CGNL1: variants seen among roughly 807,000 people sequenced by gnomAD.
The protein encoded by CGNL1 is cingulin-like protein 1.
A neutral mutation model predicts 141.2 loss-of-function variants in CGNL1; 132 were observed. That is an observed-to-expected ratio of 0.93 (90% CI 0.81 to 1.08). CGNL1 has a LOEUF of 1.08. Among genes scored for constraint, CGNL1 ranks in the 50% least tolerant of loss-of-function variants. CGNL1 has a pLI of 0.00. For synonymous variants in CGNL1, 690 were observed against 622.1 expected (o/e 1.11, Z -1.63); for missense variants, 1,870 against 1,588.6 (o/e 1.18, Z -3.01).
At chr15:57,462,093 T>G (rs529152952) in intron 8 of CGNL1, among the ~76,000 whole-genome samples, 2 of 152,118 alleles carry the variant, frequency 1.3e-5, no homozygotes, top group Admixed American at 6.5e-5. Flanking sequence ...AACTGAAACG[T>G]TGGTAGGGAC....
chr15:57,406,720 T>C (rs2062727220), intron 1 of CGNL1, among the ~76,000 whole-genome samples: 1 of 152,198 alleles, frequency 6.6e-6, no homozygotes, highest in African/African-American at 2.4e-5. Flanking sequence ...CATGAGATCA[T>C]GGTAATCAAA....
intron 1 of CGNL1, among the ~76,000 whole-genome samples, chr15:57,389,192 G>C (rs2062516171): frequency 6.6e-6 from 1 of 152,112 alleles, no homozygotes. Context: ...TGGGGCATCA[G>C]AGTGCTCAGG....
intron 14 of CGNL1, among the ~76,000 whole-genome samples, chr15:57,534,788 TG>T (rs2032162066): frequency 6.6e-6 from 1 of 152,246 alleles, no homozygotes; most frequent in Non-Finnish European, 1.5e-5. Flanking sequence ...ACATCGGCCC[TG>T]CCTTCCTAGC....
At chr15:57,500,089 A>G (rs971140024) in intron 8 of CGNL1, among the ~76,000 whole-genome samples, 2 of 152,132 alleles carry the variant, frequency 1.3e-5, no homozygotes, top group African/African-American at 4.8e-5. Flanking sequence ...TGACTGGATG[A>G]GAACCTGGGT....
chr15:57,416,795 T>C (rs1187295221), intron 1 of CGNL1, among the ~76,000 whole-genome samples: 2 of 152,206 alleles, frequency 1.3e-5, no homozygotes, highest in Admixed American at 6.5e-5. Flanking sequence ...TCTAACAGCT[T>C]ATTTTGCAGT....
At position 57,461,807 on chromosome 15, in the gene CGNL1, G is replaced by T; in HGVS notation, c.2318G>T (p.Ser773Ile). The change falls in exon 8 of 19, where the codon AGC becomes ATC. Residue 773 changes from serine to isoleucine, a missense_variant. Ser to Ile is a moderately radical substitution (Grantham distance 142, BLOSUM62 -2). Transcript: ENST00000281282. ...GGAGCCCTGAAAGAAGAGGTTTCCA[G>T]CCATGATCAGGAGATGGACAAGCTG... ...LKGALKEEVS[S>I]HDQEMDKLKE... 1 of 1,614,122 alleles carries T rather than the reference G, an allele frequency of 6.2e-7. No individual in the cohort carries two copies. Among genetic ancestry groups the T allele is most frequent in the Middle Eastern group, 1.6e-4 (1 of 6,062 alleles).
rs566817093 is a variant in CGNL1 at position 57,399,081 on chromosome 15, T to C, written c.-16+22514T>C. 5.3e-5 allele frequency among the ~76,000 whole-genome samples: 8 copies of C among 152,174 alleles called. No individual in the cohort carries two copies. The South Asian group carries it at 8.3e-4, about 16-fold the overall frequency. On this transcript the variant is annotated intron_variant, in intron 1 of 18. Transcript: ENST00000281282. Reference sequence around the variant, plus strand: ...ATAGAGGATTGGCTAAATTATGATATATATAAAGTGCTCAGAGAGGTGGAG... The same window carrying C: ...ATAGAGGATTGGCTAAATTATGATACATATAAAGTGCTCAGAGAGGTGGAG...
At chr15:57,490,486 C>A (rs754244071) in intron 8 of CGNL1, among the ~76,000 whole-genome samples, 1 of 151,972 alleles carries the variant, frequency 6.6e-6, no homozygotes, top group African/African-American at 2.4e-5. Context: ...CAGAAGCTGC[C>A]GGTGGCCAAA....
chr15:57,467,378 C>A (rs112149452), intron 8 of CGNL1, among the ~76,000 whole-genome samples: 4 of 152,014 alleles, frequency 2.6e-5, no homozygotes, highest in African/African-American at 7.3e-5. Context: ...TTTGGGCATG[C>A]GGGCTGAGGA....
At chr15:57,441,851 CCAGA>C (rs1408309765) in intron 3 of CGNL1, among the ~76,000 whole-genome samples, 2 of 151,976 alleles carry the variant, frequency 1.3e-5, no homozygotes, top group Admixed American at 6.6e-5. Context: ...CTGTGAAAGC[CCAGA>C]CAAAGGGCTG....
intron 1 of CGNL1, among the ~76,000 whole-genome samples, chr15:57,422,214 C>T (rs2152284014): frequency 7.5e-6 from 1 of 133,496 alleles, no homozygotes; most frequent in South Asian, 2.7e-4. Context: ...CCTTTCCTTG[C>T]AGTTATTTTT....
At chr15:57,400,402 G>A (rs1418656182) in intron 1 of CGNL1, among the ~76,000 whole-genome samples, 1 of 152,104 alleles carries the variant, frequency 6.6e-6, no homozygotes, top group African/African-American at 2.4e-5. Context: ...GCTAAGGATT[G>A]TAACTTCCAT....
intron 8 of CGNL1, among the ~76,000 whole-genome samples, chr15:57,491,018 G>T (rs1409638673): frequency 6.6e-6 from 1 of 152,142 alleles, no homozygotes; most frequent in Admixed American, 6.5e-5. Flanking sequence ...CAGCCAAGAG[G>T]AGCCTGAGGA....
chr15:57,488,897 G>T (rs1406484416), intron 8 of CGNL1, among the ~76,000 whole-genome samples: 1 of 152,032 alleles, frequency 6.6e-6, no homozygotes, highest in Non-Finnish European at 1.5e-5. Flanking sequence ...TACTAGAGCT[G>T]CTTACCATGT....
chr15:57,413,114 C>T (rs922157694), intron 1 of CGNL1, among the ~76,000 whole-genome samples: 1 of 152,174 alleles, frequency 6.6e-6, no homozygotes, highest in Non-Finnish European at 1.5e-5. Flanking sequence ...TCACCTTGGC[C>T]TCCCAAAGTG....
At chr15:57,516,687 A>G in intron 8 of CGNL1, 93 bp from the exon 9 acceptor site, 1 of 1,346,522 alleles carries the variant, frequency 7.4e-7, no homozygotes, top group Non-Finnish European at 1.0e-6. Flanking sequence ...AAGTGGGCAC[A>G]ATGGGTTTTT....
intron 1 of CGNL1, among the ~76,000 whole-genome samples, chr15:57,399,367 A>G (rs2062635268): frequency 6.6e-6 from 1 of 152,034 alleles, no homozygotes; most frequent in African/African-American, 2.4e-5. Context: ...TACTTCTTCA[A>G]TATTTAATTT....
At position 57,378,365 on chromosome 15, in the gene CGNL1, T is replaced by G. The variant is rs1377990701; in HGVS notation, c.-16+1798T>G. ...TCTTAGGGGGTGGCCCTCTATGTGT[T>G]TTTTTTTTTTTTTTTTTTTTTTTTT... On this transcript the variant is annotated intron_variant, in intron 1 of 18. Coordinates refer to ENST00000281282, the MANE Select transcript of CGNL1 (RefSeq NM_032866.5). 9.8e-3 allele frequency among the ~76,000 whole-genome samples: 140 copies of G among 14,320 alleles called. 1 individual carries two copies. The highest frequency in any genetic ancestry group is 0.046 in the African/African-American group (131 of 2,844). 9.4% of individuals were successfully genotyped at this position (14,320 alleles called of 152,430 possible).
At chr15:57,382,647 AC>A (rs1206744989) in intron 1 of CGNL1, among the ~76,000 whole-genome samples, 1 of 152,094 alleles carries the variant, frequency 6.6e-6, no homozygotes, top group African/African-American at 2.4e-5. Context: ...CTTGTTTTTG[AC>A]CTTTTCCCTT....
Sources: gnomAD v4.1 joint callset for allele counts (sites outside exome capture counted in the v4.1 genomes callset) on GRCh38, gnomAD v4.1.1 for gene constraint, MANE v1.5 for transcripts, NCBI Gene and HGNC (gene_info 2026-07-23, HGNC 2026-07-21) for gene names.